The following CMSS1 variants were observed in gnomAD, a reference collection of about 807,000 sequenced individuals.
The protein encoded by CMSS1 is protein CMSS1.
CMSS1 carries 33 observed loss-of-function variants against 43.5 expected under a neutral mutation model. That is an observed-to-expected ratio of 0.76 (90% CI 0.57 to 1.01). The LOEUF is 1.01. Ranked by LOEUF, CMSS1 falls within the 50% of genes least tolerant of loss-of-function variation. CMSS1 has a pLI of 0.00. For missense variants in CMSS1, 313 were observed against 326.4 expected, an observed-to-expected ratio of 0.96 and a Z score of 0.32; for synonymous variants, 115 against 117.2, an observed-to-expected ratio of 0.98 and a Z score of 0.12.
At chr3:99,999,577 T>C (rs1709783924) in intron 1 of CMSS1, among the ~76,000 whole-genome samples, 1 of 152,232 alleles carries the variant, frequency 6.6e-6, no homozygotes, top group Non-Finnish European at 1.5e-5. Flanking sequence ...GAACTTCTCC[T>C]TGTGGTTCAG....
chr3:100,126,691 T>C (rs1020573558), intron 1 of CMSS1, among the ~76,000 whole-genome samples: 1 of 152,166 alleles, frequency 6.6e-6, no homozygotes, highest in African/African-American at 2.4e-5. Flanking sequence ...GAGCTAGATA[T>C]TGAAAACACA....
Position 100,178,456 on chromosome 3 carries a change from A to G in CMSS1, c.*68A>G, listed in dbSNP as rs2067166065. The G allele has an allele frequency of 1.1e-6, 1 of 934,638 alleles. No homozygotes were observed. Among genetic ancestry groups the G allele is most frequent in the Non-Finnish European group, 1.7e-6 (1 of 580,424 alleles). The allele number at this position is 934,638 out of a possible 1,614,324, so 57.9% of individuals were successfully genotyped here. A position where few individuals can be genotyped will look rare whatever the true frequency, so the allele number is the denominator to read the frequency against. Reference sequence around the variant, plus strand: ...GCATCTTATTTAATGACTCTGATACATTGCAAGCACTCAGTAAATATCAGC... The same window carrying G: ...GCATCTTATTTAATGACTCTGATACGTTGCAAGCACTCAGTAAATATCAGC... On this transcript the variant is annotated 3_prime_UTR_variant, in exon 10 of 10. Transcript: ENST00000421999.
At chr3:99,884,474 G>C (rs1705829417) in intron 1 of CMSS1, among the ~76,000 whole-genome samples, 1 of 152,152 alleles carries the variant, frequency 6.6e-6, no homozygotes, top group Admixed American at 6.6e-5. Context: ...AGAAGTTCCA[G>C]GGAGTGGAAA....
At chr3:100,062,505 C>A (rs960818802) in intron 1 of CMSS1, among the ~76,000 whole-genome samples, 1 of 152,116 alleles carries the variant, frequency 6.6e-6, no homozygotes, top group Non-Finnish European at 1.5e-5. Context: ...GCCTTGCAGC[C>A]AGTCCCTCAT....
At chr3:99,881,780 G>A (rs898797042) in intron 1 of CMSS1, among the ~76,000 whole-genome samples, 8 of 152,056 alleles carry the variant, frequency 5.3e-5, no homozygotes, top group Non-Finnish European at 7.4e-5. Context: ...TGATCTGCCC[G>A]CCTCGGCCTT....
At chr3:99,954,543 G>T (rs1425721743) in intron 1 of CMSS1, among the ~76,000 whole-genome samples, 1 of 151,990 alleles carries the variant, frequency 6.6e-6, no homozygotes, top group Non-Finnish European at 1.5e-5. Flanking sequence ...AAGAATAACT[G>T]GGCTGGGCAC....
intron 1 of CMSS1, among the ~76,000 whole-genome samples, chr3:99,890,728 G>GTT (rs375497653): frequency 1.4e-5 from 2 of 142,824 alleles, no homozygotes; most frequent in Non-Finnish European, 1.5e-5. Context: ...CCAATCCGCT[G>GTT]TTTTTTTTTT....
At chr3:99,847,407 C>T (rs1943414982) in intron 1 of CMSS1, among the ~76,000 whole-genome samples, 1 of 151,346 alleles carries the variant, frequency 6.6e-6, no homozygotes, top group African/African-American at 2.4e-5. Context: ...TGGCTGGTTC[C>T]AGATTTGGTT....
At chr3:99,896,443 T>A (rs1706255513) in intron 1 of CMSS1, among the ~76,000 whole-genome samples, 1 of 152,178 alleles carries the variant, frequency 6.6e-6, no homozygotes, top group African/African-American at 2.4e-5. Context: ...TTTCTAGGCT[T>A]TGGGGATTTT....
chr3:100,052,601 G>A lies in CMSS1; in HGVS notation c.65-94372G>A, dbSNP rs535020912. Among the ~76,000 whole-genome samples the A allele has an allele frequency of 2.6e-5, 4 of 152,302 alleles. No individual in the cohort carries two copies. In the South Asian group the frequency reaches 8.3e-4, roughly 32 times the overall value. ...ATTCAATGCTAGTATAGGAAAGAGG[G>A]CCTGAGACATGAAGATAGCTCAGGA... On this transcript the variant is annotated intron_variant, in intron 1 of 9. Coordinates refer to ENST00000421999, the MANE Select transcript of CMSS1 (RefSeq NM_032359.4).
chr3:99,879,483 C>T (rs1239301887), intron 1 of CMSS1, among the ~76,000 whole-genome samples: 2 of 152,178 alleles, frequency 1.3e-5, no homozygotes, highest in East Asian at 3.8e-4. Context: ...AAGCCAGTTC[C>T]TCTTTTTGAA....
chr3:99,998,493 G>C (rs1023379465), intron 1 of CMSS1, among the ~76,000 whole-genome samples: 2 of 152,154 alleles, frequency 1.3e-5, no homozygotes, highest in African/African-American at 4.8e-5. Flanking sequence ...TTTGGTAAAG[G>C]GAAGTAGGGA....
intron 1 of CMSS1, among the ~76,000 whole-genome samples, chr3:99,903,089 C>G (rs1055462241): frequency 9.2e-5 from 14 of 152,088 alleles, no homozygotes; most frequent in Admixed American, 3.3e-4. Flanking sequence ...CCTTATTTAT[C>G]ATCTCAGGCC....
At chr3:100,009,245 A>T (rs1266664470) in intron 1 of CMSS1, among the ~76,000 whole-genome samples, 2 of 152,186 alleles carry the variant, frequency 1.3e-5, no homozygotes, top group African/African-American at 4.8e-5. Context: ...TATTATCAAG[A>T]ATATAAGATC....
intron 1 of CMSS1, chr3:99,849,152 C>T: frequency 6.2e-7 from 1 of 1,614,102 alleles, no homozygotes; most frequent in Admixed American, 1.7e-5. Flanking sequence ...AGCACAGATC[C>T]CTCATCATTA....
In CMSS1 at chr3:99,963,896, GT is replaced by G. The variant is rs1434125108; in HGVS notation, c.64+145854del. Reference sequence around the variant, plus strand: ...CTCCCAAAGTCCTGGGATTACAGGTGTGAGCCACCGCGCCCAGCCACATCCA... The same window carrying G: ...CTCCCAAAGTCCTGGGATTACAGGTGGAGCCACCGCGCCCAGCCACATCCA... On this transcript the variant is annotated intron_variant, in intron 1 of 9. Transcript: ENST00000421999. Among the ~76,000 whole-genome samples the G allele has an allele frequency of 5.3e-5, 8 of 152,246 alleles. 1 individual carries two copies. Among genetic ancestry groups the G allele is most frequent in the Non-Finnish European group, 7.4e-5 (5 of 68,006 alleles).
chr3:99,979,253 A>G (rs1215636459), intron 1 of CMSS1, among the ~76,000 whole-genome samples: 1 of 152,094 alleles, frequency 6.6e-6, no homozygotes, highest in African/African-American at 2.4e-5. Context: ...AAACCACAAT[A>G]TTTTTTTGAA....
intron 1 of CMSS1, among the ~76,000 whole-genome samples, chr3:100,009,837 A>G (rs1348748430): frequency 2.0e-5 from 3 of 152,180 alleles, no homozygotes; most frequent in African/African-American, 7.2e-5. Flanking sequence ...TTATATGTAT[A>G]CGTGTCCACG....
At chr3:99,823,521 G>A (rs1029793165) in intron 1 of CMSS1, among the ~76,000 whole-genome samples, 4 of 151,926 alleles carry the variant, frequency 2.6e-5, no homozygotes, top group Admixed American at 2.6e-4. Flanking sequence ...TCACTACCTC[G>A]AAAACATATC....
Sources: gnomAD v4.1 joint callset for allele counts (sites outside exome capture counted in the v4.1 genomes callset) on GRCh38, gnomAD v4.1.1 for gene constraint, MANE v1.5 for transcripts, NCBI Gene and HGNC (gene_info 2026-07-23, HGNC 2026-07-21) for gene names.